The following CLCN7 variants were observed in gnomAD, a reference collection of about 807,000 sequenced individuals.
CLCN7 encodes Cl-/H+ antiporter 7.
In CLCN7, 60 loss-of-function variants were observed where a neutral mutation model predicts 102.1. That is an observed-to-expected ratio of 0.59 (90% CI 0.48 to 0.73). The LOEUF (loss-of-function observed/expected upper bound fraction) is 0.73, where lower values mean the gene tolerates loss of function less well. Among genes scored for constraint, CLCN7 ranks in the 30% least tolerant of loss-of-function variants. The pLI is 0.00. For missense variants in CLCN7, 962 were observed against 1,125.7 expected (o/e 0.85, Z 2.08); for synonymous variants, 560 against 490.5 (o/e 1.14, Z -1.87).
Position 1,457,165 on chromosome 16 carries a change from G to T in CLCN7, c.822+89C>A. 1 of 1,227,008 alleles carries T rather than the reference G, an allele frequency of 8.1e-7. No homozygotes were observed. Among genetic ancestry groups the T allele is most frequent in the East Asian group, 2.3e-5 (1 of 42,902 alleles). 76.0% of individuals were successfully genotyped at this position (1,227,008 alleles called of 1,614,324 possible). ...AGATGGGGCTGGGGCTCTCGGCCTG[G>T]GGGTGCTGAGGGAAGCCCATCTCCC... On this transcript the variant is annotated intron_variant, in intron 9 of 24. Transcript: ENST00000382745. The surrounding 1 kb of genome is among the most constrained non-coding windows in gnomAD (Gnocchi z 5.4).
At chr16:1,456,345 G>A in intron 9 of CLCN7, 139 bp from the exon 10 acceptor site, 3 of 717,126 alleles carry the variant, frequency 4.2e-6, no homozygotes. Context: ...GATTCCTGAA[G>A]AGCACCGTGC....
At chr16:1,451,244 G>A (rs1349901289) in intron 16 of CLCN7, among the ~76,000 whole-genome samples, 2 of 152,200 alleles carry the variant, frequency 1.3e-5, no homozygotes, top group Non-Finnish European at 2.9e-5. Context: ...GTCTCGCTGT[G>A]TCACCCAGGC....
At chr16:1,467,776 T>A (rs2039024998) in intron 1 of CLCN7, 1 of 152,408 alleles carries the variant, frequency 6.6e-6, no homozygotes, top group East Asian at 1.9e-4. Context: ...CTCAGGCTAT[T>A]CCTTGCTGGA....
intron 1 of CLCN7, among the ~76,000 whole-genome samples, chr16:1,468,773 G>A (rs77527935): frequency 0.027 from 4,067 of 152,206 alleles, 75 homozygotes; most frequent in African/African-American, 0.048. Flanking sequence ...GCATTGCACC[G>A]ACACTCTCTT....
At chr16:1,471,069 T>A (rs1219898420) in intron 1 of CLCN7, among the ~76,000 whole-genome samples, 2 of 152,152 alleles carry the variant, frequency 1.3e-5, no homozygotes. Flanking sequence ...GAGCAGTGAC[T>A]GGCTTGGTCA....
At chr16:1,451,977 G>A in intron 15 of CLCN7, 1 of 472,444 alleles carries the variant, frequency 2.1e-6, no homozygotes, top group Non-Finnish European at 4.0e-6. Flanking sequence ...CCTGGGGGGT[G>A]GGTTAGCAGG....
chr16:1,462,664 C>A (rs1176090338), intron 2 of CLCN7, among the ~76,000 whole-genome samples: 8 of 36,356 alleles, frequency 2.2e-4, no homozygotes, highest in East Asian at 5.4e-4. Flanking sequence ...TAAAAAAAAG[C>A]CAAAAAAAAA....
At chr16:1,446,845 C>G in intron 24 of CLCN7, 128 bp from the exon 25 acceptor site, 1 of 1,115,034 alleles carries the variant, frequency 9.0e-7, no homozygotes, top group East Asian at 2.6e-5. Context: ...AGCCCCCGAG[C>G]TGAGCACGGG....
intron 1 of CLCN7, among the ~76,000 whole-genome samples, chr16:1,469,718 A>C (rs2039050977): frequency 1.3e-5 from 2 of 152,076 alleles, no homozygotes; most frequent in African/African-American, 2.4e-5. Context: ...AAAACCAAAA[A>C]CCAAAAACAA....
chr16:1,455,303 G>A (rs1475121539), intron 11 of CLCN7, 53 bp from the exon 12 acceptor site: 4 of 1,159,788 alleles, frequency 3.4e-6, no homozygotes, highest in African/African-American at 3.0e-5. Flanking sequence ...CCCAGCCCAG[G>A]GCTCACGGAC....
At chr16:1,452,923 G>A in intron 14 of CLCN7, 30 bp from the exon 15 acceptor site, 4 of 1,556,474 alleles carry the variant, frequency 2.6e-6, no homozygotes, top group Non-Finnish European at 3.5e-6. Flanking sequence ...TGCATGGCAG[G>A]CAGGACGGCA....
intron 6 of CLCN7, among the ~76,000 whole-genome samples, chr16:1,459,568 CAT>C (rs1279908439): frequency 3.9e-5 from 3 of 77,502 alleles, no homozygotes; most frequent in South Asian, 4.8e-4. Context: ...GAGCAGCACA[CAT>C]GTCGGGGCCT....
At chr16:1,464,671 A>G (rs1359254364) in intron 2 of CLCN7, among the ~76,000 whole-genome samples, 1 of 152,172 alleles carries the variant, frequency 6.6e-6, no homozygotes, top group Non-Finnish European at 1.5e-5. Context: ...TGATGGGGAG[A>G]AGGAGGACGC....
At chr16:1,451,310 C>CA (rs1463998851) in intron 16 of CLCN7, among the ~76,000 whole-genome samples, 1 of 152,176 alleles carries the variant, frequency 6.6e-6, no homozygotes, top group African/African-American at 2.4e-5. Context: ...TGGGCTCAAG[C>CA]AATCCTCCCG....
At chr16:1,446,942 G>A in intron 24 of CLCN7, 64 bp downstream of exon 24, 1 of 1,438,306 alleles carries the variant, frequency 7.0e-7, no homozygotes, top group Non-Finnish European at 9.5e-7. Context: ...CTGAGAGTAA[G>A]CACGGGCAGG....
chr16:1,450,566 C>A lies in CLCN7; in HGVS notation c.1548G>T (p.Pro516=), dbSNP rs780794583. 2 of 1,611,990 alleles carry A rather than the reference C, an allele frequency of 1.2e-6. No individual in the cohort carries two copies. Among genetic ancestry groups the A allele is most frequent in the African/African-American group, 2.7e-5 (2 of 74,914 alleles). ...CCCAGGCAGCCCCGATGAGCAGGGA[C>A]GGGATGAAGACCCCGGCAGACACCG... The part of the protein sequence containing the change: ...GLTVSAGVFI[P]SLLIGAAWGR... Residue 516 remains proline (P), a synonymous_variant, in exon 17 of 25, where the codon CCG becomes CCT. Coordinates refer to ENST00000382745, the MANE Select transcript of CLCN7 (RefSeq NM_001287.6).
intron 2 of CLCN7, among the ~76,000 whole-genome samples, chr16:1,464,895 G>A (rs1240361725): frequency 6.6e-6 from 1 of 152,132 alleles, no homozygotes; most frequent in Non-Finnish European, 1.5e-5. Flanking sequence ...ACTGGCACGG[G>A]AACATCTAAA....
At position 1,465,426 on chromosome 16, in the gene CLCN7, C is replaced by G. The variant is rs980657578; in HGVS notation, c.142-88G>C. The G allele has an allele frequency of 2.7e-5, 33 of 1,204,934 alleles. No individual in the cohort carries two copies. In the African/African-American group the frequency reaches 5.0e-4, roughly 18 times the overall value. 74.6% of individuals were successfully genotyped at this position (1,204,934 alleles called of 1,614,324 possible). ...CACTCCCGCCGCCGCACCCTGGCCT[C>G]GCCTGACCCTGCCCGGGAGCTCAGG... On this transcript the variant is annotated intron_variant, in intron 1 of 24. Coordinates refer to ENST00000382745, the MANE Select transcript of CLCN7 (RefSeq NM_001287.6).
chr16:1,456,709 C>T (rs375325780), intron 9 of CLCN7, among the ~76,000 whole-genome samples: 63 of 152,082 alleles, frequency 4.1e-4, no homozygotes, highest in African/African-American at 1.2e-3. Flanking sequence ...GGCGTGGTGG[C>T]GGGCACCTAT....
Sources: gnomAD v4.1 joint callset for allele counts (sites outside exome capture counted in the v4.1 genomes callset) on GRCh38, gnomAD v4.1.1 for gene constraint, Gnocchi (gnomAD v3.1) non-coding constraint, MANE v1.5 for transcripts, NCBI Gene and HGNC (gene_info 2026-07-23, HGNC 2026-07-21) for gene names.